The following MYCT1 variants were observed in gnomAD, a reference collection of about 807,000 sequenced individuals.
The protein encoded by MYCT1 is MYC target 1.
A neutral mutation model predicts 15.0 loss-of-function variants in MYCT1; 12 were observed. That is an observed-to-expected ratio of 0.80 (90% CI 0.51 to 1.29). The LOEUF (loss-of-function observed/expected upper bound fraction) is 1.29, where lower values mean the gene tolerates loss of function less well. Among genes scored for constraint, MYCT1 ranks in the 50% most tolerant of loss-of-function variants. The pLI, the probability that MYCT1 is intolerant of heterozygous loss-of-function variation, is 0.00. For synonymous variants in MYCT1, 104 were observed against 102.7 expected, an observed-to-expected ratio of 1.01 and a Z score of -0.07; for missense variants, 287 against 279.1, an observed-to-expected ratio of 1.03 and a Z score of -0.20.
At chr6:152,738,321 A>G in the MYCT1 span, among the ~76,000 whole-genome samples, 2 of 152,138 alleles carry the variant, frequency 1.3e-5, no homozygotes, top group Admixed American at 6.5e-5. Flanking sequence ...TTCAGCAAGT[A>G]AAATGTATAC....
At chr6:152,729,696 C>T in the MYCT1 span, among the ~76,000 whole-genome samples, 9 of 152,156 alleles carry the variant, frequency 5.9e-5, no homozygotes, top group African/African-American at 2.2e-4. Flanking sequence ...GCAGACTCCC[C>T]CTGCTTTATC....
At chr6:152,731,221 G>GGA in the MYCT1 span, among the ~76,000 whole-genome samples, 2 of 151,326 alleles carry the variant, frequency 1.3e-5, no homozygotes, top group Non-Finnish European at 2.9e-5. Flanking sequence ...TACCTAGCGT[G>GGA]AAAAAAAAGT....
the MYCT1 span, among the ~76,000 whole-genome samples, chr6:152,732,272 A>G: frequency 6.6e-6 from 1 of 152,204 alleles, no homozygotes; most frequent in Non-Finnish European, 1.5e-5. Flanking sequence ...CCTAACAGAT[A>G]TTAAACTGGT....
In MYCT1 at chr6:152,721,743, G is replaced by T. The variant is rs139123171; in HGVS notation, c.198G>T (p.Glu66Asp). The T allele has an allele frequency of 1.2e-6, 2 of 1,602,288 alleles. No homozygotes were observed. The highest frequency in any genetic ancestry group is 4.5e-5 in the East Asian group (2 of 44,674). Reference protein sequence around the residue: ...LGSPWPENFWEDLIMSFTVSM... With the variant: ...LGSPWPENFWDDLIMSFTVSM... ...AGCAATTTGTTTTCTTTGTTTCAGA[G>T]GACCTTATCATGTCCTTCACTGTAT... Residue 66 changes from glutamate (E) to aspartate (D), a missense_variant and splice_region_variant, in exon 2 of 2, where the codon GAG becomes GAT. By Grantham distance (45) the Glu-to-Asp change is conservative (BLOSUM62 2). Coordinates refer to ENST00000367245, the MANE Select transcript of MYCT1 (RefSeq NM_025107.3).
downstream of MYCT1, among the ~76,000 whole-genome samples, chr6:152,726,811 T>G (rs2099725747): frequency 6.6e-6 from 1 of 152,154 alleles, no homozygotes; most frequent in African/African-American, 2.4e-5. Context: ...GGGAGTGTAT[T>G]TCTTTCACAG....
chr6:152,716,429 A>G (rs2099723699), intron 1 of MYCT1, among the ~76,000 whole-genome samples: 1 of 152,164 alleles, frequency 6.6e-6, no homozygotes, highest in Non-Finnish European at 1.5e-5. Context: ...GGGTTTTTGA[A>G]TGTTTTAAAC....
In MYCT1 at chr6:152,721,922, A is replaced by G. The variant is rs74502972; in HGVS notation, c.377A>G (p.Tyr126Cys). Residue 126 changes from tyrosine (Y) to cysteine (C), a missense_variant, in exon 2 of 2, where the codon TAC becomes TGC. By Grantham distance (194) the Tyr-to-Cys change is radical. Transcript: ENST00000367245. ...CACGGCCTCAACAGAACTGGATTTT[A>G]CCGCCACAGTGGCTGTGAACGTCGA... is the stretch of plus-strand genomic sequence containing the variant. ...YTHGLNRTGF[Y>C]RHSGCERRSN... 1.2e-6 allele frequency: 2 copies of G among 1,614,054 alleles called. No homozygotes were observed. Among genetic ancestry groups the G allele is most frequent in the East Asian group, 2.2e-5 (1 of 44,880 alleles).
intron 1 of MYCT1, among the ~76,000 whole-genome samples, chr6:152,703,001 C>T (rs1364732656): frequency 6.6e-6 from 1 of 152,154 alleles, no homozygotes; most frequent in African/African-American, 2.4e-5. Context: ...CAAACTTCTG[C>T]ATCTAAATTC....
At position 152,722,281 on chromosome 6, in the gene MYCT1, TTCTTG is replaced by T. The variant is rs748129332; in HGVS notation, c.*38_*42del. The stretch of plus-strand genomic sequence containing the variant: ...AGGGTGGCTTTTGGTTTTTGTTTCT[TTCTTG>T]TCTTGTCTTTTATTGAAAGGAAATC... On this transcript the variant is annotated 3_prime_UTR_variant, in exon 2 of 2. Transcript: ENST00000367245. The T allele has an allele frequency of 2.6e-6, 4 of 1,567,148 alleles. No individual in the cohort carries two copies. Among genetic ancestry groups the T allele is most frequent in the Non-Finnish European group, 3.4e-6 (4 of 1,162,434 alleles).
intron 1 of MYCT1, among the ~76,000 whole-genome samples, chr6:152,720,818 G>A (rs1206521945): frequency 6.6e-6 from 1 of 152,238 alleles, no homozygotes; most frequent in African/African-American, 2.4e-5. Context: ...GGCTGGAGGA[G>A]TCTTCTAATA....
intron 1 of MYCT1, among the ~76,000 whole-genome samples, chr6:152,704,732 T>C (rs1235232931): frequency 2.0e-5 from 3 of 152,184 alleles, no homozygotes; most frequent in Non-Finnish European, 4.4e-5. Context: ...TGAGGTATAA[T>C]TGGCAAATAA....
In MYCT1 at chr6:152,723,567, C is replaced by T. The variant is rs2099725092; in HGVS notation, c.*1314C>T. ...GACTCTTAATCATCAGGCATCATTC[C>T]TGGTTTGCTTCTCTACGAATCTCAA... On this transcript the variant is annotated 3_prime_UTR_variant, in exon 2 of 2. Coordinates refer to ENST00000367245, the MANE Select transcript of MYCT1 (RefSeq NM_025107.3). 1 of 152,240 alleles carries T rather than the reference C, an allele frequency of 6.6e-6. No homozygotes were observed. Among genetic ancestry groups the T allele is most frequent in the Non-Finnish European group, 1.5e-5 (1 of 68,068 alleles). The allele number at this position is 152,240 out of a possible 1,614,324, so 9.4% of individuals were successfully genotyped here.
chr6:152,713,136 T>A (rs1219445168), intron 1 of MYCT1, among the ~76,000 whole-genome samples: 1 of 152,076 alleles, frequency 6.6e-6, no homozygotes, highest in African/African-American at 2.4e-5. Context: ...GTTCTATTAA[T>A]ACACCTTTAA....
At chr6:152,728,409 G>C (rs893095623), downstream of MYCT1, among the ~76,000 whole-genome samples, 1 of 151,994 alleles carries the variant, frequency 6.6e-6, no homozygotes, top group Non-Finnish European at 1.5e-5. Context: ...AGCAAATTGA[G>C]GGAAAAAAAT....
the MYCT1 span, among the ~76,000 whole-genome samples, chr6:152,743,738 G>T: frequency 6.6e-6 from 1 of 152,148 alleles, no homozygotes; most frequent in Admixed American, 6.5e-5. Context: ...CCTTTTTTCA[G>T]TTATGAAGTT....
chr6:152,698,178 ATC>A, intron 1 of MYCT1, 80 bp downstream of exon 1: 1 of 801,698 alleles, frequency 1.2e-6, no homozygotes, highest in Non-Finnish European at 1.9e-6. Flanking sequence ...AACAGTGAAA[ATC>A]TCTGAGACAT....
At chr6:152,721,531 A>G (rs2099724695) in intron 1 of MYCT1, among the ~76,000 whole-genome samples, 1 of 152,174 alleles carries the variant, frequency 6.6e-6, no homozygotes, top group Non-Finnish European at 1.5e-5. Flanking sequence ...CGCAGCTGAA[A>G]GTGTTATTTT....
chr6:152,721,286 A>G (rs1295585912), intron 1 of MYCT1, among the ~76,000 whole-genome samples: 1 of 152,204 alleles, frequency 6.6e-6, no homozygotes, highest in African/African-American at 2.4e-5. Flanking sequence ...GCAGAAATCA[A>G]TGTGATTGAT....
chr6:152,731,990 C>T, the MYCT1 span, among the ~76,000 whole-genome samples: 1 of 152,078 alleles, frequency 6.6e-6, no homozygotes, highest in African/African-American at 2.4e-5. Flanking sequence ...AAACAAACTA[C>T]AGAGTGAAGG....
Sources: gnomAD v4.1 joint callset for allele counts (sites outside exome capture counted in the v4.1 genomes callset) on GRCh38, gnomAD v4.1.1 for gene constraint, MANE v1.5 for transcripts, NCBI Gene and HGNC (gene_info 2026-07-23, HGNC 2026-07-21) for gene names.